Variants in DIAPH2 observed in about 807,000 individuals in gnomAD.
DIAPH2 encodes the protein protein diaphanous homolog 2.
DIAPH2 carries 35 observed loss-of-function variants against 92.7 expected under a neutral mutation model. The ratio of observed to expected loss-of-function variants is 0.38; its 90% CI spans 0.29 to 0.50. The LOEUF is 0.50. Among genes scored for constraint, DIAPH2 ranks in the 20% least tolerant of loss-of-function variants. The probability of loss-of-function intolerance (pLI) is 0.94; values close to 1 mark genes in which losing one functional copy is unlikely to be tolerated. For missense variants in DIAPH2, 701 were observed against 819.5 expected (o/e 0.86, Z 1.77); for synonymous variants, 301 against 280.4 (o/e 1.07, Z -0.73).
At chrX:97,216,998 G>C (rs2067888905) in intron 22 of DIAPH2, among the ~76,000 whole-genome samples, 1 of 111,728 alleles carries the variant, frequency 9.0e-6, no homozygotes, top group African/African-American at 3.3e-5. Context: ...TAAACACTTA[G>C]TACTATGTAT....
At chrX:97,515,391 C>G (rs1018054504) in intron 26 of DIAPH2, among the ~76,000 whole-genome samples, 2 of 112,465 alleles carry the variant, frequency 1.8e-5, no homozygotes, top group Non-Finnish European at 3.8e-5. Context: ...CGCGCACCCA[C>G]TGTCCTGCGC....
chrX:97,306,716 A>G (rs953151892), intron 23 of DIAPH2, among the ~76,000 whole-genome samples: 3 of 111,790 alleles, frequency 2.7e-5, no homozygotes, highest in African/African-American at 9.8e-5. Flanking sequence ...TTGGAGGGCC[A>G]CAGTAACAAA....
intron 26 of DIAPH2, among the ~76,000 whole-genome samples, chrX:97,535,462 A>G (rs763609275): frequency 5.4e-5 from 6 of 111,528 alleles, no homozygotes; most frequent in Non-Finnish European, 1.1e-4. Context: ...GTATTTATTT[A>G]TTTTTTTGAG....
intron 17 of DIAPH2, among the ~76,000 whole-genome samples, chrX:96,990,861 A>T (rs1171748176): frequency 9.0e-6 from 1 of 111,085 alleles, no homozygotes; most frequent in Non-Finnish European, 1.9e-5. Context: ...CTCTTTTCTC[A>T]GTAACCCCTT....
intron 21 of DIAPH2, 81 bp from the exon 22 acceptor site, chrX:97,141,584 A>G: frequency 4.0e-6 from 4 of 1,000,112 alleles, no homozygotes; most frequent in Non-Finnish European, 5.3e-6. Flanking sequence ...TAAATGGGTT[A>G]TAATAAATTC....
rs1285433000 is a variant in DIAPH2, at chrX:96,685,202, C to A, written c.132+12C>A. 1 of 990,964 alleles carries A rather than the reference C, an allele frequency of 1.0e-6. No individual in the cohort carries two copies. Among genetic ancestry groups the A allele is most frequent in the East Asian group, 3.7e-5 (1 of 26,708 alleles). 81.7% of individuals were successfully genotyped at this position (990,964 alleles called of 1,213,427 possible). A position where few individuals can be genotyped will look rare whatever the true frequency, so the allele number is the denominator to read the frequency against. ...ACAAACCCAAATTGGTGAGTGCTCC[C>A]GCAGCCCCCGCCGGCCTTAGGGACA... On this transcript the variant is annotated intron_variant, in intron 1 of 26. Coordinates refer to ENST00000324765, the MANE Select transcript of DIAPH2 (RefSeq NM_006729.5).
intron 26 of DIAPH2, among the ~76,000 whole-genome samples, chrX:97,466,055 C>T (rs1461707604): frequency 8.9e-6 from 1 of 111,740 alleles, no homozygotes; most frequent in Non-Finnish European, 1.9e-5. Context: ...AGAAGAAATT[C>T]AGTATAATTT....
intron 1 of DIAPH2, among the ~76,000 whole-genome samples, chrX:96,710,275 C>T (rs1031199396): frequency 8.9e-6 from 1 of 111,750 alleles, no homozygotes; most frequent in African/African-American, 3.2e-5. Context: ...AGTGAGACTA[C>T]CTAGGCTCAG....
chrX:97,265,863 A>G (rs1179447804), intron 23 of DIAPH2, among the ~76,000 whole-genome samples: 1 of 111,839 alleles, frequency 8.9e-6, no homozygotes, highest in Non-Finnish European at 1.9e-5. Context: ...TTGAGTTTTA[A>G]CTAGACAGTT....
chrX:96,993,707 C>G (rs2066086988), intron 17 of DIAPH2, among the ~76,000 whole-genome samples: 1 of 111,360 alleles, frequency 9.0e-6, no homozygotes, highest in Non-Finnish European at 1.9e-5. Context: ...CTATATCAGG[C>G]AGATATATAA....
chrX:96,817,652 G>A (rs1228723076), intron 4 of DIAPH2, among the ~76,000 whole-genome samples: 1 of 110,896 alleles, frequency 9.0e-6, no homozygotes, highest in African/African-American at 3.3e-5. Flanking sequence ...TGCCAAGGTG[G>A]TCGGGTTCTG....
intron 23 of DIAPH2, among the ~76,000 whole-genome samples, chrX:97,270,129 A>G (rs770221725): frequency 9.0e-6 from 1 of 110,649 alleles, no homozygotes; most frequent in African/African-American, 3.3e-5. Flanking sequence ...GGGTTTTTCC[A>G]TGTTGGTCAG....
rs749983757 is a variant in DIAPH2, at chrX:97,570,112, ATAT to A, written c.3242-29140_3242-29138del. On this transcript the variant is annotated intron_variant, in intron 26 of 26. Transcript: ENST00000324765. ...TATATATATATATATATATATATAT[ATAT>A]ATATATATTAGAAGATAGATAGATA... 2.9e-3 allele frequency among the ~76,000 whole-genome samples: 93 copies of A among 31,849 alleles called. 2 individuals are homozygous for A. Among genetic ancestry groups the A allele is most frequent in the African/African-American group, 7.6e-3 (75 of 9,904 alleles). The allele number at this position is 31,849 out of a possible 115,157, so 27.7% of individuals were successfully genotyped here.
rs899923031 is a variant in DIAPH2, at chrX:97,600,045, A to C, written c.*728A>C. Reference sequence around the variant, plus strand: ...GGGAAAGTGATTTAAACTTTATTTAAAGAGGTATTTTCTAATTATGCACAG... The same window carrying C: ...GGGAAAGTGATTTAAACTTTATTTACAGAGGTATTTTCTAATTATGCACAG... On this transcript the variant is annotated 3_prime_UTR_variant, in exon 27 of 27. Coordinates refer to ENST00000324765, the MANE Select transcript of DIAPH2 (RefSeq NM_006729.5). The C allele has an allele frequency of 1.8e-5, 2 of 112,903 alleles. No homozygotes were observed. The highest frequency in any genetic ancestry group is 6.4e-5 in the African/African-American group (2 of 31,102). The allele number at this position is 112,903 out of a possible 1,213,427, so 9.3% of individuals were successfully genotyped here. A position where few individuals can be genotyped will look rare whatever the true frequency, so the allele number is the denominator to read the frequency against.
At chrX:97,098,077 T>C (rs1344379716) in intron 19 of DIAPH2, among the ~76,000 whole-genome samples, 1 of 111,049 alleles carries the variant, frequency 9.0e-6, no homozygotes, top group Non-Finnish European at 1.9e-5. Flanking sequence ...CAAAATTGAG[T>C]GGGAGGAGGG....
At chrX:97,430,466 A>G (rs2070115062) in intron 26 of DIAPH2, among the ~76,000 whole-genome samples, 1 of 112,409 alleles carries the variant, frequency 8.9e-6, no homozygotes, top group Non-Finnish European at 1.9e-5. Context: ...TCCTCTCAGT[A>G]AAGTTTTCTA....
intron 17 of DIAPH2, among the ~76,000 whole-genome samples, chrX:97,071,297 A>C (rs2066667755): frequency 8.9e-6 from 1 of 111,873 alleles, no homozygotes; most frequent in Non-Finnish European, 1.9e-5. Context: ...TCCTTTGAAG[A>C]ATATTTGAGA....
In DIAPH2 at chrX:96,964,439, T is replaced by C. The variant is rs542652281; in HGVS notation, c.1936-654T>C. ...GGTAGTTATACATCACAAAACTTCA[T>C]GGTGTATTGGAAGATAAAGTTCTAA... On this transcript the variant is annotated intron_variant, in intron 16 of 26. Transcript: ENST00000324765. 2.2e-4 allele frequency among the ~76,000 whole-genome samples: 24 copies of C among 111,262 alleles called. No homozygotes were observed. In the South Asian group the frequency reaches 9.1e-3, roughly 42 times the overall value.
At chrX:97,532,258 C>G (rs2071065282) in intron 26 of DIAPH2, among the ~76,000 whole-genome samples, 1 of 113,084 alleles carries the variant, frequency 8.8e-6, no homozygotes, top group Admixed American at 9.3e-5. Context: ...AAATAAAACT[C>G]GTGCTTGGCA....
Sources: gnomAD v4.1 joint callset for allele counts (sites outside exome capture counted in the v4.1 genomes callset) on GRCh38, gnomAD v4.1.1 for gene constraint, MANE v1.5 for transcripts, NCBI Gene and HGNC (gene_info 2026-07-23, HGNC 2026-07-21) for gene names.